Variants in MOB1A observed in about 807,000 individuals in gnomAD.
MOB1A encodes the protein MOB kinase activator 1A.
Under a neutral mutation model 25.1 loss-of-function variants are expected in MOB1A, and 10 were observed. The observed-to-expected ratio is 0.40, with a 90% CI of 0.25 to 0.68. The LOEUF (loss-of-function observed/expected upper bound fraction) is 0.68. Ranked by LOEUF, MOB1A falls within the 30% of genes least tolerant of loss-of-function variation. The probability of loss-of-function intolerance (pLI) is 0.40; values close to 1 mark genes in which losing one functional copy is unlikely to be tolerated. For synonymous variants in MOB1A, 81 were observed against 79.5 expected, an observed-to-expected ratio of 1.02 and a Z score of -0.10; for missense variants, 177 against 256.3, an observed-to-expected ratio of 0.69 and a Z score of 2.11.
intron 1 of MOB1A, among the ~76,000 whole-genome samples, chr2:74,176,125 A>ACAC (rs1558840671): frequency 1.1e-5 from 1 of 93,642 alleles, no homozygotes; most frequent in Non-Finnish European, 2.3e-5. Flanking sequence ...CACACACACA[A>ACAC]ACTAGCCGGG....
At chr2:74,177,735 C>T (rs1336747230) in intron 1 of MOB1A, among the ~76,000 whole-genome samples, 1 of 151,938 alleles carries the variant, frequency 6.6e-6, no homozygotes, top group Non-Finnish European at 1.5e-5. Context: ...TGGATTACAT[C>T]CATAACTAAA....
At position 74,153,459 on chromosome 2, in the gene MOB1A, G is replaced by C. The variant is rs895884374; in HGVS notation, c.*3109C>G. 1 of 152,152 alleles carries C rather than the reference G, an allele frequency of 6.6e-6. No individual in the cohort carries two copies. The highest frequency in any genetic ancestry group is 2.4e-5 in the African/African-American group (1 of 41,440). The allele number at this position is 152,152 out of a possible 1,614,324, so 9.4% of individuals were successfully genotyped here. On this transcript the variant is annotated 3_prime_UTR_variant, in exon 6 of 6. Transcript: ENST00000396049. ...TGTTACTAAAGTCATGGTGAATACA[G>C]ATTTTGCATTTCTCATGTAAGCAGC...
At chr2:74,177,655 C>G (rs1484432459) in intron 1 of MOB1A, among the ~76,000 whole-genome samples, 2 of 150,572 alleles carry the variant, frequency 1.3e-5, no homozygotes, top group African/African-American at 5.0e-5. Flanking sequence ...TGGGTAAACT[C>G]TGGTTATAAA....
At chr2:74,167,155 T>C in intron 2 of MOB1A, 48 bp from the exon 3 acceptor site, 1 of 1,431,866 alleles carries the variant, frequency 7.0e-7, no homozygotes, top group Non-Finnish European at 9.8e-7. Flanking sequence ...AAACACAAAA[T>C]ATGAGACCTC....
intron 1 of MOB1A, among the ~76,000 whole-genome samples, chr2:74,176,209 G>C (rs1373800156): frequency 1.4e-5 from 2 of 143,366 alleles, no homozygotes; most frequent in African/African-American, 5.3e-5. Context: ...CCGGGATGCA[G>C]AGGTTGCAGT....
chr2:74,173,242 A>T (rs748152124), intron 1 of MOB1A: 1 of 516,036 alleles, frequency 1.9e-6, no homozygotes, highest in South Asian at 1.4e-5. Flanking sequence ...TAGCAGCACA[A>T]TTCCACAAAT....
intron 2 of MOB1A, among the ~76,000 whole-genome samples, chr2:74,171,208 G>T (rs1385139263): frequency 1.3e-5 from 2 of 151,778 alleles, no homozygotes; most frequent in Admixed American, 6.6e-5. Flanking sequence ...CTTAAACCCG[G>T]GAGGTGGAGG....
rs1185114816 is a variant in MOB1A at position 74,172,745 on chromosome 2, G to A, written c.22C>T (p.Arg8Cys). The A allele has an allele frequency of 6.8e-6, 11 of 1,612,932 alleles. No individual in the cohort carries two copies. The highest frequency in any genetic ancestry group is 2.2e-5 in the East Asian group (1 of 44,866). MSFLFSS[R>C]SSKTFKPKKN... is the part of the protein sequence containing the mutation. ...TTTGGTTTGAATGTTTTAGAAGAGC[G>A]GCTGCTGCTGTAAGATTAAAAGTGC... Residue 8 changes from arginine to cysteine, a missense_variant, in exon 2 of 6, where the codon CGC becomes TGC. By Grantham distance (180) the Arg-to-Cys change is radical. Coordinates refer to ENST00000396049, the MANE Select transcript of MOB1A (RefSeq NM_018221.5).
intron 1 of MOB1A, among the ~76,000 whole-genome samples, chr2:74,174,068 C>T (rs1693381609): frequency 1.3e-5 from 2 of 149,862 alleles, no homozygotes; most frequent in Admixed American, 1.3e-4. Context: ...GAGATTGAGA[C>T]TATCCTGCCC....
At position 74,165,294 on chromosome 2, in the gene MOB1A, T is replaced by G; in HGVS notation, c.333A>C (p.Ala111=). 6.3e-7 allele frequency: 1 copy of G among 1,585,230 alleles called. No homozygotes were observed. The highest frequency in any genetic ancestry group is 1.2e-5 in the South Asian group (1 of 85,072). The change falls in exon 4 of 6, where the codon GCA becomes GCC. Residue 111 remains alanine (A), a synonymous_variant. Coordinates refer to ENST00000396049, the MANE Select transcript of MOB1A (RefSeq NM_018221.5). ...TNIKKPIKCS[A]PKYIDYLMTW... is the part of the protein sequence containing the mutation. ...TCATCAAATAGTCAATGTATTTTGG[T>G]GCAGAACATTTGATTGGCTTTTTAA...
chr2:74,168,243 G>C (rs1042592925), intron 2 of MOB1A, among the ~76,000 whole-genome samples: 1 of 152,194 alleles, frequency 6.6e-6, no homozygotes, highest in Admixed American at 6.5e-5. Flanking sequence ...AAGTAGTCAG[G>C]GGGTACTTCC....
Position 74,168,035 on chromosome 2 carries a change from A to C in MOB1A, c.182-928T>G. Reference sequence around the variant, plus strand: ...ACACCTACAGTCCCAGCTATGTAGGAGGCTGAGGCGAGAGGACTGCTTGAG... The same window carrying C: ...ACACCTACAGTCCCAGCTATGTAGGCGGCTGAGGCGAGAGGACTGCTTGAG... On this transcript the variant is annotated intron_variant, in intron 2 of 5. Transcript: ENST00000396049. 1.3e-5 allele frequency among the ~76,000 whole-genome samples: 2 copies of C among 152,186 alleles called. 1 individual carries two copies. Among genetic ancestry groups the C allele is most frequent in the Non-Finnish European group, 2.9e-5 (2 of 68,042 alleles).
intron 3 of MOB1A, among the ~76,000 whole-genome samples, chr2:74,166,546 A>G (rs1272726575): frequency 1.3e-5 from 2 of 152,218 alleles, no homozygotes; most frequent in Non-Finnish European, 2.9e-5. Flanking sequence ...AATAATAACT[A>G]ATAGCTGGCC....
rs112112571 is a variant in MOB1A at position 74,176,656 on chromosome 2, T to C, written c.14+2005A>G. ...GCAGGCGCCTGTAGTCCCAGCTACT[T>C]GGGAGACTGAGGCAGGAGAATGGCG... On this transcript the variant is annotated intron_variant, in intron 1 of 5. Coordinates refer to ENST00000396049, the MANE Select transcript of MOB1A (RefSeq NM_018221.5). Among the ~76,000 whole-genome samples, 5 of 150,542 alleles carry C rather than the reference T, an allele frequency of 3.3e-5. No individual in the cohort carries two copies. In the Middle Eastern group the frequency reaches 0.01, roughly 307 times the overall value.
In MOB1A at chr2:74,172,569, T is replaced by C; in HGVS notation, c.181+17A>G. 1 of 1,590,808 alleles carries C rather than the reference T, an allele frequency of 6.3e-7. No individual in the cohort carries two copies. The highest frequency in any genetic ancestry group is 8.5e-7 in the Non-Finnish European group (1 of 1,172,076). ...AAACCTTTCTAGAAAACAGCAAAGT[T>C]ACATTTTAAAACTTACTGTTCACAG... On this transcript the variant is annotated intron_variant, in intron 2 of 5. Coordinates refer to ENST00000396049, the MANE Select transcript of MOB1A (RefSeq NM_018221.5).
chr2:74,156,419 T>A lies in MOB1A; in HGVS notation c.*149A>T. 1.4e-6 allele frequency: 1 copy of A among 694,578 alleles called. No homozygotes were observed. The highest frequency in any genetic ancestry group is 1.7e-5 in the South Asian group (1 of 59,250). 43.0% of individuals were successfully genotyped at this position (694,578 alleles called of 1,614,324 possible). A position where few individuals can be genotyped will look rare whatever the true frequency, so the allele number is the denominator to read the frequency against. ...TCGGAAACTATCACACCAACCTACC[T>A]TTGGGATAATTTTATCAGTAGACAC... On this transcript the variant is annotated 3_prime_UTR_variant, in exon 6 of 6. Transcript: ENST00000396049.
chr2:74,176,361 A>C (rs1693466421), intron 1 of MOB1A, among the ~76,000 whole-genome samples: 1 of 151,680 alleles, frequency 6.6e-6, no homozygotes, highest in African/African-American at 2.4e-5. Flanking sequence ...AACATGATAA[A>C]AAAAACTATA....
At chr2:74,157,233 T>G (rs1396385097) in intron 5 of MOB1A, among the ~76,000 whole-genome samples, 2 of 151,536 alleles carry the variant, frequency 1.3e-5, no homozygotes, top group African/African-American at 4.8e-5. Flanking sequence ...CATGGGCAAG[T>G]AATGAAGCCT....
At chr2:74,171,299 T>TAA (rs113289246) in intron 2 of MOB1A, among the ~76,000 whole-genome samples, 1 of 140,346 alleles carries the variant, frequency 7.1e-6, no homozygotes, top group African/African-American at 2.6e-5. Context: ...AAAAATAAAA[T>TAA]AAAAAAAAAA....
Sources: gnomAD v4.1 joint callset for allele counts (sites outside exome capture counted in the v4.1 genomes callset) on GRCh38, gnomAD v4.1.1 for gene constraint, MANE v1.5 for transcripts, NCBI Gene and HGNC (gene_info 2026-07-23, HGNC 2026-07-21) for gene names.